Variants in CDC37L1 observed in about 807,000 individuals in gnomAD.
The protein encoded by CDC37L1 is cell division cycle 37 like 1, HSP90 cochaperone, also known as hsp90 co-chaperone Cdc37-like 1.
Under a neutral mutation model 45.9 loss-of-function variants are expected in CDC37L1, and 32 were observed. That is an observed-to-expected ratio of 0.70 (90% CI 0.53 to 0.94). CDC37L1 has a LOEUF of 0.94. Among genes scored for constraint, CDC37L1 ranks in the 40% least tolerant of loss-of-function variants. The pLI is 0.00. For missense variants in CDC37L1, 434 were observed against 405.7 expected, an observed-to-expected ratio of 1.07 and a Z score of -0.60; for synonymous variants, 150 against 133.0, an observed-to-expected ratio of 1.13 and a Z score of -0.88.
intron 3 of CDC37L1, among the ~76,000 whole-genome samples, chr9:4,693,444 C>T (rs1032825740): frequency 9.9e-5 from 15 of 151,604 alleles, no homozygotes; most frequent in African/African-American, 2.9e-4. Flanking sequence ...ACCTGTCTCT[C>T]AAGATAAAGA....
chr9:4,698,678 A>C (rs1841370999), intron 5 of CDC37L1, among the ~76,000 whole-genome samples: 1 of 152,162 alleles, frequency 6.6e-6, no homozygotes, highest in Non-Finnish European at 1.5e-5. Context: ...TGCATCCTAG[A>C]GAGTAGATTC....
intron 1 of CDC37L1, among the ~76,000 whole-genome samples, chr9:4,682,553 T>C (rs1271694653): frequency 2.0e-5 from 3 of 151,748 alleles, no homozygotes; most frequent in Non-Finnish European, 4.4e-5. Context: ...GGTCTCGAGC[T>C]CCTCCTCGTG....
intron 3 of CDC37L1, among the ~76,000 whole-genome samples, chr9:4,690,548 C>A (rs1156290067): frequency 6.6e-6 from 1 of 152,146 alleles, no homozygotes; most frequent in Non-Finnish European, 1.5e-5. Context: ...GCCACCACGA[C>A]CCCTGAATTT....
In CDC37L1 at chr9:4,697,083, C is replaced by A. The variant is rs1005594778; in HGVS notation, c.509-13C>A. ...AATATTTGACACTTATGGTTCAATTCTTTTTTTTACAGGTATGTTGAGTCG... is the reference window on the plus strand; with the variant it reads ...AATATTTGACACTTATGGTTCAATTATTTTTTTTACAGGTATGTTGAGTCG... On this transcript the variant is annotated splice_polypyrimidine_tract_variant and intron_variant, in intron 3 of 6. Transcript: ENST00000381854. 1 of 1,175,358 alleles carries A rather than the reference C, an allele frequency of 8.5e-7. No individual in the cohort carries two copies. Among genetic ancestry groups the A allele is most frequent in the South Asian group, 1.3e-5 (1 of 76,978 alleles). 72.8% of individuals were successfully genotyped at this position (1,175,358 alleles called of 1,614,324 possible).
rs2295964 is a variant in CDC37L1 at position 4,679,906 on chromosome 9, A to C, written c.132+7A>C. The C allele has an allele frequency of 1.2e-6, 2 of 1,613,282 alleles. No individual in the cohort carries two copies. Among genetic ancestry groups the C allele is most frequent in the Non-Finnish European group, 1.7e-6 (2 of 1,179,726 alleles). ...GCCAGGCGGCGGCGCCCAGGTGAGAAGGGGCCTGCGTTCTGCGGAGGGATG... is the reference window on the plus strand; with the variant it reads ...GCCAGGCGGCGGCGCCCAGGTGAGACGGGGCCTGCGTTCTGCGGAGGGATG... On this transcript the variant is annotated splice_region_variant and intron_variant, in intron 1 of 6. Coordinates refer to ENST00000381854, the MANE Select transcript of CDC37L1 (RefSeq NM_017913.4).
chr9:4,682,531 G>A (rs1333766548), intron 1 of CDC37L1, among the ~76,000 whole-genome samples: 3 of 151,758 alleles, frequency 2.0e-5, no homozygotes, highest in Admixed American at 2.0e-4. Flanking sequence ...GTTTCACCAC[G>A]TTAGCCAGGA....
At position 4,697,822 on chromosome 9, in the gene CDC37L1, C is replaced by G. The variant is rs1202619178; in HGVS notation, c.690C>G (p.Ala230=). The G allele has an allele frequency of 6.2e-7, 1 of 1,611,102 alleles. No individual in the cohort carries two copies. Among genetic ancestry groups the G allele is most frequent in the African/African-American group, 1.3e-5 (1 of 74,782 alleles). Residue 230 remains alanine, a synonymous_variant, in exon 5 of 7, where the codon GCC becomes GCG. Coordinates refer to ENST00000381854, the MANE Select transcript of CDC37L1 (RefSeq NM_017913.4). The part of the protein sequence containing the change: ...AVVMQFIMEM[A]KNCNVDPRGC... ...TAATGCAGTTTATTATGGAAATGGC[C>G]AAAAACTGTAATGTGGATCCAAGAG...
chr9:4,705,036 G>A (rs1018910402), intron 6 of CDC37L1, among the ~76,000 whole-genome samples: 1 of 152,086 alleles, frequency 6.6e-6, no homozygotes, highest in Non-Finnish European at 1.5e-5. Context: ...ACTCCAGCTA[G>A]CTTTTTGACT....
At chr9:4,701,274 TATC>T (rs1841393536) in intron 5 of CDC37L1, among the ~76,000 whole-genome samples, 1 of 152,186 alleles carries the variant, frequency 6.6e-6, no homozygotes, top group African/African-American at 2.4e-5. Flanking sequence ...CGACCTAAGT[TATC>T]ATACTTTTTC....
chr9:4,702,959 CATG>C (rs1841413503), intron 6 of CDC37L1: 2 of 595,078 alleles, frequency 3.4e-6, no homozygotes, highest in Admixed American at 9.1e-5. Flanking sequence ...AAAAAGGAGA[CATG>C]ATCAGACCAC....
intron 6 of CDC37L1, chr9:4,703,080 T>C (rs1179058130): frequency 6.5e-7 from 1 of 1,542,434 alleles, no homozygotes; most frequent in African/African-American, 1.4e-5. Flanking sequence ...CATCTCTCAT[T>C]TCCAGGCTCC....
At chr9:4,683,422 A>C (rs1028678709) in intron 1 of CDC37L1, among the ~76,000 whole-genome samples, 1 of 152,088 alleles carries the variant, frequency 6.6e-6, no homozygotes, top group Non-Finnish European at 1.5e-5. Flanking sequence ...GGGTCAGAAA[A>C]AGTTTAGGGC....
intron 3 of CDC37L1, among the ~76,000 whole-genome samples, chr9:4,694,704 C>T (rs1197232355): frequency 1.3e-5 from 2 of 151,904 alleles, no homozygotes; most frequent in African/African-American, 4.8e-5. Flanking sequence ...AACCTTGTCT[C>T]TACTAAAAAT....
chr9:4,681,864 A>AT (rs1301080142), intron 1 of CDC37L1, among the ~76,000 whole-genome samples: 1 of 152,154 alleles, frequency 6.6e-6, no homozygotes, highest in Non-Finnish European at 1.5e-5. Context: ...TGTGATATGT[A>AT]GTTCTTAGAT....
chr9:4,688,448 T>A (rs1248130444), intron 2 of CDC37L1, 65 bp from the exon 3 acceptor site: 1 of 869,556 alleles, frequency 1.2e-6, no homozygotes, highest in Non-Finnish European at 1.7e-6. Context: ...AGATATTCAG[T>A]ATCTGAGAAA....
intron 2 of CDC37L1, chr9:4,685,381 T>G (rs1046883790): frequency 3.9e-5 from 17 of 431,754 alleles, no homozygotes; most frequent in African/African-American, 2.8e-4. Context: ...GAAATACATA[T>G]TTATATAAAT....
chr9:4,679,860 T>C lies in CDC37L1; in HGVS notation c.93T>C (p.Ser31=). 6.2e-7 allele frequency: 1 copy of C among 1,613,914 alleles called. No homozygotes were observed. Among genetic ancestry groups the C allele is most frequent in the Non-Finnish European group, 8.5e-7 (1 of 1,179,948 alleles). ...AGAGTGACTTCGACGTGTTCCCCAG[T>C]TCTCCCCGCTGCCCGCAGCTGCCAG... The part of the protein sequence containing the change: ...EEESDFDVFP[S]SPRCPQLPGG... The change falls in exon 1 of 7, where the codon AGT becomes AGC. Residue 31 remains serine (S), a synonymous_variant. Transcript: ENST00000381854.
intron 6 of CDC37L1, among the ~76,000 whole-genome samples, chr9:4,702,315 T>TC (rs974469853): frequency 1.3e-5 from 2 of 152,184 alleles, no homozygotes; most frequent in African/African-American, 4.8e-5. Flanking sequence ...CATAAACTCT[T>TC]CAAGATGGCT....
chr9:4,686,328 A>G (rs1198964099), intron 2 of CDC37L1, among the ~76,000 whole-genome samples: 2 of 152,118 alleles, frequency 1.3e-5, no homozygotes, highest in African/African-American at 4.8e-5. Context: ...ACAGTGAGTC[A>G]TATCTTTCTC....
Sources: allele counts gnomAD v4.1 joint callset (sites outside exome capture counted in the v4.1 genomes callset), GRCh38; gene constraint gnomAD v4.1.1; transcripts MANE v1.5; gene names NCBI Gene and HGNC (gene_info 2026-07-23, HGNC 2026-07-21).